DICER1: variants seen among roughly 807,000 people sequenced by gnomAD.
The protein encoded by DICER1 is dicer 1, ribonuclease III, also known as endoribonuclease Dicer.
In DICER1, 43 loss-of-function variants were observed where a neutral mutation model predicts 194.1. The ratio of observed to expected loss-of-function variants is 0.22; its 90% CI spans 0.17 to 0.29. DICER1 has a LOEUF of 0.29. DICER1 is among the 10% of genes least tolerant of loss of function. The pLI, the probability that DICER1 is intolerant of heterozygous loss-of-function variation, is 1.00. For missense variants in DICER1, 1,608 were observed against 2,317.0 expected (o/e 0.69, Z 6.28); for synonymous variants, 832 against 820.5 (o/e 1.01, Z -0.24).
In DICER1 at chr14:95,115,739, G is replaced by A. The variant is rs866407172; in HGVS notation, c.1835C>T (p.Pro612Leu). 1 of 1,614,094 alleles carries A rather than the reference G, an allele frequency of 6.2e-7. No homozygotes were observed. Among genetic ancestry groups the A allele is most frequent in the East Asian group, 2.2e-5 (1 of 44,882 alleles). Reference protein sequence around the residue: ...DPVMDDDDVFPPYVLRPDDGG... With the variant: ...DPVMDDDDVFLPYVLRPDDGG... ...ATCGTCAGGCCTCAACACATATGGT[G>A]GGAAAACGTCATCATCATCCATGAC... The change falls in exon 11 of 27, where the codon CCA (proline) becomes CTA (leucine). Residue 612 changes from proline to leucine, a missense_variant. Coordinates refer to ENST00000343455, the MANE Select transcript of DICER1 (RefSeq NM_177438.3).
chr14:95,116,046 C>T (rs1056156594), intron 10 of DICER1, among the ~76,000 whole-genome samples: 10 of 148,694 alleles, frequency 6.7e-5, no homozygotes, highest in South Asian at 2.1e-4. Context: ...TATACTGTAC[C>T]GTGCCTACAC....
rs1595468669 is a variant in DICER1 at position 95,133,346 on chromosome 14, T to C, written c.113A>G (p.His38Arg). Residue 38 changes from histidine to arginine, a missense_variant, in exon 2 of 27, where the codon CAT (histidine) becomes CGT (arginine). Physicochemically the swap from His to Arg is conservative, Grantham distance 29. Around this residue, in one of 10 missense-constraint regions of DICER1, gnomAD observed 657 missense variants for 910.1 expected, o/e 0.72. Transcript: ENST00000343455. ...FGLPWQQEAI[H>R]DNIYTPRKYQ... ...TTTTCTTGGCGTATAAATGTTATCATGAATTGCTTCTTGTTGCCATGGCAG... is the reference window on the plus strand; with the variant it reads ...TTTTCTTGGCGTATAAATGTTATCACGAATTGCTTCTTGTTGCCATGGCAG... The C allele has an allele frequency of 1.2e-6, 2 of 1,614,168 alleles. No homozygotes were observed. The highest frequency in any genetic ancestry group is 2.2e-5 in the East Asian group (1 of 44,888).
At chr14:95,113,317 C>A in intron 11 of DICER1, 93 bp from the exon 12 acceptor site, 1 of 1,219,442 alleles carries the variant, frequency 8.2e-7, no homozygotes, top group South Asian at 1.2e-5. Context: ...TGCCTCTTCC[C>A]CTCTACTGAA....
chr14:95,121,307 T>C (rs944132019), intron 8 of DICER1, among the ~76,000 whole-genome samples: 1 of 152,124 alleles, frequency 6.6e-6, no homozygotes, highest in Non-Finnish European at 1.5e-5. Context: ...TACTGTCTAG[T>C]GGTTAGAAAA....
chr14:95,096,140 T>C lies in DICER1; in HGVS notation c.4780A>G (p.Ile1594Val), dbSNP rs1890306057. Residue 1594 changes from isoleucine (I) to valine (V), a missense_variant, in exon 23 of 27, where the codon ATT becomes GTT. Physicochemically the swap from Ile to Val is conservative, Grantham distance 29. Transcript: ENST00000343455. Reference sequence around the variant, plus strand: ...GCCTTTTCCCGATCAGTCCTTTTAATTACCGGGAGCACCTTCAGCCCCAGT... The same window carrying C: ...GCCTTTTCCCGATCAGTCCTTTTAACTACCGGGAGCACCTTCAGCCCCAGT... ...CSLGLKVLPV[I>V]KRTDREKALC... The C allele has an allele frequency of 6.2e-7, 1 of 1,614,218 alleles. No homozygotes were observed. Among genetic ancestry groups the C allele is most frequent in the East Asian group, 2.2e-5 (1 of 44,890 alleles).
chr14:95,090,328 CA>C lies in DICER1; in HGVS notation c.*169del. The C allele has an allele frequency of 1.4e-6, 1 of 719,668 alleles. No individual in the cohort carries two copies. Among genetic ancestry groups the C allele is most frequent in the Non-Finnish European group, 2.3e-6 (1 of 438,076 alleles). The allele number at this position is 719,668 out of a possible 1,614,324, so 44.6% of individuals were successfully genotyped here. A position where few individuals can be genotyped will look rare whatever the true frequency, so the allele number is the denominator to read the frequency against. ...CTACAATTAGTTCCAAAATTTTATA[CA>C]TATGTTAAATGTTTTATTCTGTTAT... is the stretch of plus-strand genomic sequence containing the variant. On this transcript the variant is annotated 3_prime_UTR_variant, in exon 27 of 27. Coordinates refer to ENST00000343455, the MANE Select transcript of DICER1 (RefSeq NM_177438.3).
In DICER1 at chr14:95,117,767, T is replaced by A; in HGVS notation, c.1377-13A>T. 1 of 1,613,466 alleles carries A rather than the reference T, an allele frequency of 6.2e-7. No individual in the cohort carries two copies. Among genetic ancestry groups the A allele is most frequent in the Non-Finnish European group, 8.5e-7 (1 of 1,179,478 alleles). On this transcript the variant is annotated splice_polypyrimidine_tract_variant and intron_variant, in intron 8 of 26. Transcript: ENST00000343455. The stretch of plus-strand genomic sequence containing the variant: ...TTCCTTTATCAATCTAAGAAAATTA[T>A]ACACATTTGGAAGTTAAACGTTGCT...
At chr14:95,091,666 G>A (rs1889853722) in intron 24 of DICER1, among the ~76,000 whole-genome samples, 1 of 152,104 alleles carries the variant, frequency 6.6e-6, no homozygotes, top group African/African-American at 2.4e-5. Flanking sequence ...ATTAGAAATA[G>A]TCAATAAAAG....
intron 6 of DICER1, chr14:95,129,126 C>T (rs556946478): frequency 9.9e-6 from 2 of 201,244 alleles, no homozygotes; most frequent in Non-Finnish European, 2.1e-5. Flanking sequence ...TTGAAAGCAT[C>T]ATGTAAGACA....
chr14:95,140,519 C>T (rs1487985583), intron 1 of DICER1: 1 of 152,160 alleles, frequency 6.6e-6, no homozygotes, highest in African/African-American at 2.4e-5. Context: ...ATGATGTTCA[C>T]ACAATGACAA....
At chr14:95,097,613 A>T (rs1305638767) in intron 22 of DICER1, among the ~76,000 whole-genome samples, 1 of 152,100 alleles carries the variant, frequency 6.6e-6, no homozygotes, top group Admixed American at 6.5e-5. Context: ...AATTTCTGTT[A>T]TGCAAGTTTT....
rs1212942890 is a variant in DICER1, at chr14:95,124,505, T to C, written c.1067A>G (p.His356Arg). 6 of 1,614,124 alleles carry C rather than the reference T, an allele frequency of 3.7e-6. No homozygotes were observed. Among genetic ancestry groups the C allele is most frequent in the African/African-American group, 1.3e-5 (1 of 75,044 alleles). The change falls in exon 8 of 27, where the codon CAT (histidine) becomes CGT (arginine). Residue 356 changes from histidine to arginine, a missense_variant. This residue lies in a region of DICER1 where 657 missense variants were observed against 910.1 expected (regional missense o/e 0.72). Transcript: ENST00000343455. The surrounding 1 kb of genome is among the most constrained non-coding windows in gnomAD (Gnocchi z 4.5). ...LFTDTFLRKI[H>R]ALCEEHFSPA... ...TGAGAAGTGCTCTTCACATAGTGCA[T>C]GTATTTTCCTTAGGAAAGTGTCTGT...
chr14:95,088,570 T>TA lies in DICER1; in HGVS notation c.*1927dup. 4.3e-6 allele frequency: 1 copy of TA among 232,132 alleles called. No individual in the cohort carries two copies. The highest frequency in any genetic ancestry group is 8.5e-6 in the Non-Finnish European group (1 of 117,352). 14.4% of individuals were successfully genotyped at this position (232,132 alleles called of 1,614,324 possible). A position where few individuals can be genotyped will look rare whatever the true frequency, so the allele number is the denominator to read the frequency against. The stretch of plus-strand genomic sequence containing the variant: ...GGTCATATCTTACATTAAGGTTTTT[T>TA]AAAAAATCAAATAGACATCTAAGGT... On this transcript the variant is annotated 3_prime_UTR_variant, in exon 27 of 27. Transcript: ENST00000343455.
At chr14:95,140,839 A>T (rs1282777862) in intron 1 of DICER1, 1 of 152,202 alleles carries the variant, frequency 6.6e-6, no homozygotes, top group East Asian at 1.9e-4. Context: ...AGCCCTACTG[A>T]TATGAAGAGT....
chr14:95,099,752 A>T, intron 22 of DICER1, 28 bp downstream of exon 22: 1 of 1,607,268 alleles, frequency 6.2e-7, no homozygotes. Context: ...ACACACACAC[A>T]CACACACACA....
chr14:95,106,601 A>G (rs1891450342), intron 17 of DICER1, among the ~76,000 whole-genome samples: 1 of 152,112 alleles, frequency 6.6e-6, no homozygotes, highest in Non-Finnish European at 1.5e-5. Flanking sequence ...GTCATATAAA[A>G]CGTATTACTG....
intron 6 of DICER1, chr14:95,128,950 TGC>T (rs1248630633): frequency 1.3e-5 from 2 of 153,624 alleles, no homozygotes; most frequent in African/African-American, 4.9e-5. Flanking sequence ...TGTGTGTGTG[TGC>T]GCTTTTCAAT....
intron 1 of DICER1, among the ~76,000 whole-genome samples, chr14:95,138,223 A>T (rs1204056860): frequency 6.6e-6 from 1 of 151,840 alleles, no homozygotes; most frequent in Admixed American, 6.6e-5. Flanking sequence ...CTTAGCAAAC[A>T]CAACATTTCT....
intron 10 of DICER1, 61 bp from the exon 11 acceptor site, chr14:95,115,882 G>T: frequency 6.4e-7 from 1 of 1,550,496 alleles, no homozygotes; most frequent in Non-Finnish European, 8.9e-7. Flanking sequence ...TATGCTGTCT[G>T]CCTCTGTACC....
Sources: allele counts gnomAD v4.1 joint callset (sites outside exome capture counted in the v4.1 genomes callset), GRCh38; gene constraint gnomAD v4.1.1; regional missense constraint gnomAD v4.1.1; non-coding constraint Gnocchi (gnomAD v3.1); transcripts MANE v1.5; gene names NCBI Gene and HGNC (gene_info 2026-07-23, HGNC 2026-07-21).